Variants in ATP6V0D2 observed in about 807,000 individuals in gnomAD.
ATP6V0D2 encodes the protein V-type proton ATPase subunit d 2.
A neutral mutation model predicts 40.0 loss-of-function variants in ATP6V0D2; 40 were observed. The ratio of observed to expected loss-of-function variants is 1.00; its 90% confidence interval spans 0.78 to 1.30. The LOEUF is 1.30. Among genes scored for constraint, ATP6V0D2 ranks in the 50% most tolerant of loss-of-function variants. The pLI is 0.00. For synonymous variants in ATP6V0D2, 179 were observed against 156.3 expected, an observed-to-expected ratio of 1.15 and a Z score of -1.08; for missense variants, 470 against 423.1, an observed-to-expected ratio of 1.11 and a Z score of -0.97.
At chr8:86,099,581 C>T (rs1818367452) in intron 1 of ATP6V0D2, among the ~76,000 whole-genome samples, 1 of 152,164 alleles carries the variant, frequency 6.6e-6, no homozygotes, top group African/African-American at 2.4e-5. Flanking sequence ...ACAACCTCCG[C>T]CTCCCGGGTT....
chr8:86,152,858 G>C lies in ATP6V0D2; in HGVS notation c.934G>C (p.Gly312Arg). Residue 312 changes from glycine (G) to arginine (R), a missense_variant, in exon 8 of 8, where the codon GGT (glycine) becomes CGT (arginine). Gly to Arg is a moderately radical substitution (Grantham distance 125). Coordinates refer to ENST00000285393, the MANE Select transcript of ATP6V0D2 (RefSeq NM_152565.1). Reference protein sequence around the residue: ...VLAFNRQFHYGVFYAYVKLKE... With the variant: ...VLAFNRQFHYRVFYAYVKLKE... ...GGCATTCAACAGACAGTTCCACTAC[G>C]GTGTGTTTTATGCATATGTAAAGCT... 1 of 1,610,720 alleles carries C rather than the reference G, an allele frequency of 6.2e-7. No individual in the cohort carries two copies. The highest frequency in any genetic ancestry group is 1.1e-5 in the South Asian group (1 of 90,138).
At chr8:86,136,060 C>T (rs939882115) in intron 2 of ATP6V0D2, among the ~76,000 whole-genome samples, 46 of 152,144 alleles carry the variant, frequency 3.0e-4, no homozygotes, top group Admixed American at 6.5e-5. Context: ...ACCCCTGCCC[C>T]TCATTGTGGG....
chr8:86,119,232 C>CTTTTTT (rs35945978), intron 2 of ATP6V0D2, among the ~76,000 whole-genome samples: 5 of 125,966 alleles, frequency 4.0e-5, no homozygotes, highest in Non-Finnish European at 4.9e-5. Flanking sequence ...ATCATAGGAT[C>CTTTTTT]TTTTTTTTTT....
intron 5 of ATP6V0D2, among the ~76,000 whole-genome samples, chr8:86,149,425 G>A (rs914154729): frequency 8.5e-5 from 13 of 152,160 alleles, no homozygotes; most frequent in African/African-American, 2.9e-4. Flanking sequence ...AAGACAGGCC[G>A]TGAGTATGTG....
At chr8:86,138,834 C>G (rs1407966541) in intron 2 of ATP6V0D2, among the ~76,000 whole-genome samples, 3 of 152,198 alleles carry the variant, frequency 2.0e-5, no homozygotes, top group African/African-American at 7.2e-5. Context: ...ACCCTCACCC[C>G]CCACCATCAC....
intron 1 of ATP6V0D2, among the ~76,000 whole-genome samples, chr8:86,099,500 A>G (rs1212369013): frequency 7.2e-5 from 11 of 151,918 alleles, no homozygotes; most frequent in Non-Finnish European, 2.9e-5. Context: ...TTTATTATTT[A>G]TTTATTTATT....
chr8:86,143,658 C>A (rs1241436275), intron 5 of ATP6V0D2, among the ~76,000 whole-genome samples: 1 of 152,158 alleles, frequency 6.6e-6, no homozygotes, highest in Non-Finnish European at 1.5e-5. Context: ...TTACTGCAAC[C>A]TGTTTTATCA....
intron 1 of ATP6V0D2, among the ~76,000 whole-genome samples, chr8:86,105,616 C>CTT (rs1401385712): frequency 0.053 from 6,932 of 130,858 alleles, 506 homozygotes; most frequent in African/African-American, 0.085. Flanking sequence ...CTTCTTTTTT[C>CTT]TTTTCTTTTT....
intron 2 of ATP6V0D2, among the ~76,000 whole-genome samples, chr8:86,125,013 G>A (rs1241577088): frequency 2.0e-5 from 3 of 152,200 alleles, no homozygotes; most frequent in Admixed American, 2.0e-4. Context: ...CCCAAGCTAA[G>A]GCTTGAAAGG....
At chr8:86,139,400 G>A in intron 2 of ATP6V0D2, 57 bp from the exon 3 acceptor site, 1 of 1,446,924 alleles carries the variant, frequency 6.9e-7, no homozygotes, top group Non-Finnish European at 9.4e-7. Flanking sequence ...TTACTTGTGG[G>A]ATGCTTCTTA....
intron 1 of ATP6V0D2, among the ~76,000 whole-genome samples, chr8:86,111,272 G>A (rs1424967082): frequency 2.7e-5 from 4 of 150,214 alleles, no homozygotes; most frequent in South Asian, 4.3e-4. Flanking sequence ...CTGAAGCCTC[G>A]AGCCCCTGGG....
In ATP6V0D2 at chr8:86,125,716, T is replaced by C. The variant is rs4145799; in HGVS notation, c.302+11836T>C. Among the ~76,000 whole-genome samples, 532 of 152,204 alleles carry C rather than the reference T, an allele frequency of 3.5e-3. 23 individuals carry two copies. The East Asian group carries it at 0.074, about 21-fold the overall frequency. On this transcript the variant is annotated intron_variant, in intron 2 of 7. Transcript: ENST00000285393. ...CATATCTTTCTAAACTTTTTCCTTG[T>C]GAAAAATGTTTTTTTATATGTGCAT... is the stretch of plus-strand genomic sequence containing the variant.
intron 1 of ATP6V0D2, among the ~76,000 whole-genome samples, chr8:86,110,329 A>T (rs2130234435): frequency 6.6e-6 from 1 of 152,268 alleles, no homozygotes; most frequent in East Asian, 1.9e-4. Context: ...TCCTTACCTC[A>T]AGTGATCCAC....
intron 4 of ATP6V0D2, 78 bp from the exon 5 acceptor site, chr8:86,142,799 C>T: frequency 4.6e-6 from 4 of 865,314 alleles, no homozygotes; most frequent in Non-Finnish European, 5.4e-6. Flanking sequence ...ATTTAATAAA[C>T]CATGAAAAGC....
At chr8:86,127,995 T>C (rs1440341529) in intron 2 of ATP6V0D2, among the ~76,000 whole-genome samples, 2 of 151,940 alleles carry the variant, frequency 1.3e-5, no homozygotes, top group African/African-American at 2.4e-5. Context: ...GGTGGAAAGA[T>C]CACTTGAGCC....
chr8:86,136,413 G>C lies in ATP6V0D2; in HGVS notation c.303-3044G>C, dbSNP rs74365985. ...TCAGATGCTTTTACATTGCAGGGGA[G>C]GTTGTGGGGAACAATTAAATGTCTG... On this transcript the variant is annotated intron_variant, in intron 2 of 7. Coordinates refer to ENST00000285393, the MANE Select transcript of ATP6V0D2 (RefSeq NM_152565.1). 3.9e-5 allele frequency among the ~76,000 whole-genome samples: 6 copies of C among 152,104 alleles called. No homozygotes were observed. In the East Asian group the frequency reaches 7.7e-4, roughly 20 times the overall value.
Position 86,153,072 on chromosome 8 carries a change from C to A in ATP6V0D2, c.*95C>A, listed in dbSNP as rs923128345. On this transcript the variant is annotated 3_prime_UTR_variant, in exon 8 of 8. Transcript: ENST00000285393. ...ATTATGTTATATTATCTAGACTACACAAAAGTAAGCCACACTATATCTTCA... is the reference window on the plus strand; with the variant it reads ...ATTATGTTATATTATCTAGACTACAAAAAAGTAAGCCACACTATATCTTCA... The A allele has an allele frequency of 8.4e-6, 9 of 1,066,750 alleles. No homozygotes were observed. Among genetic ancestry groups the A allele is most frequent in the Non-Finnish European group, 9.0e-6 (7 of 780,016 alleles). 66.1% of individuals were successfully genotyped at this position (1,066,750 alleles called of 1,614,324 possible). A position where few individuals can be genotyped will look rare whatever the true frequency, so the allele number is the denominator to read the frequency against.
chr8:86,116,231 C>A (rs1818590093), intron 2 of ATP6V0D2, among the ~76,000 whole-genome samples: 2 of 152,138 alleles, frequency 1.3e-5, no homozygotes, highest in Admixed American at 1.3e-4. Flanking sequence ...ATGTGTTATT[C>A]CAGAAAAATA....
chr8:86,103,315 G>A (rs1818428117), intron 1 of ATP6V0D2, among the ~76,000 whole-genome samples: 2 of 146,522 alleles, frequency 1.4e-5, no homozygotes, highest in Admixed American at 1.4e-4. Context: ...TTTTTTAGTA[G>A]AGATGGGATT....
Sources: gnomAD v4.1 joint callset for allele counts (sites outside exome capture counted in the v4.1 genomes callset) on GRCh38, gnomAD v4.1.1 for gene constraint, MANE v1.5 for transcripts, NCBI Gene and HGNC (gene_info 2026-07-23, HGNC 2026-07-21) for gene names.